PARM1: variants seen among roughly 807,000 people sequenced by gnomAD.
The protein encoded by PARM1 is WSC4, cell wall integrity and stress response component 4 homolog.
Under a neutral mutation model 24.6 loss-of-function variants are expected in PARM1, and 14 were observed. The ratio of observed to expected loss-of-function variants is 0.57; its 90% CI spans 0.38 to 0.89. The LOEUF is 0.89. Among genes scored for constraint, PARM1 ranks in the 40% least tolerant of loss-of-function variants. The pLI is 0.00. For missense variants in PARM1, 362 were observed against 380.4 expected, an observed-to-expected ratio of 0.95 and a Z score of 0.40; for synonymous variants, 179 against 156.6, an observed-to-expected ratio of 1.14 and a Z score of -1.07.
chr4:74,965,062 C>T (rs1014403761), intron 1 of PARM1: 1 of 152,168 alleles, frequency 6.6e-6, no homozygotes, highest in African/African-American at 2.4e-5. Context: ...AAGTAAGCTC[C>T]TCTTCACTCA....
chr4:74,967,470 C>G, intron 1 of PARM1: 2 of 152,204 alleles, frequency 1.3e-5, no homozygotes, highest in Non-Finnish European at 2.9e-5. Context: ...AGAGTTGTGT[C>G]TGCAGAGAGA....
chr4:74,954,375 T>C (rs142950769), intron 1 of PARM1, among the ~76,000 whole-genome samples: 177 of 152,360 alleles, frequency 1.2e-3, no homozygotes, highest in Middle Eastern at 3.4e-3. Flanking sequence ...TCTTAAGCCA[T>C]GTCTATTCTG....
chr4:74,961,081 G>T, intron 1 of PARM1, among the ~76,000 whole-genome samples: 1 of 151,364 alleles, frequency 6.6e-6, no homozygotes, highest in Non-Finnish European at 1.5e-5. Context: ...GAACAAAACA[G>T]AAAGATTAAT....
In PARM1 at chr4:75,012,559, A is replaced by T. The variant is rs765313220; in HGVS notation, c.178A>T (p.Thr60Ser). The change falls in exon 2 of 4, where the codon ACT becomes TCT. Residue 60 changes from threonine to serine, a missense_variant. Physicochemically the swap from Thr to Ser is moderately conservative, Grantham distance 58. Coordinates refer to ENST00000307428, the MANE Select transcript of PARM1 (RefSeq NM_015393.4). ...AGACACTGCCTCCCCATCCAACGGCACTCACAACAACTCGGTGCTCCCAGT... is the reference window on the plus strand; with the variant it reads ...AGACACTGCCTCCCCATCCAACGGCTCTCACAACAACTCGGTGCTCCCAGT... ...DADTASPSNG[T>S]HNNSVLPVTA... The T allele has an allele frequency of 2.2e-5, 36 of 1,613,712 alleles. No homozygotes were observed. The highest frequency in any genetic ancestry group is 2.9e-5 in the Non-Finnish European group (34 of 1,179,870).
In PARM1 at chr4:75,015,574, A is replaced by G. The variant is rs560254565; in HGVS notation, c.769+2424A>G. 1.4e-4 allele frequency among the ~76,000 whole-genome samples: 21 copies of G among 152,266 alleles called. No individual in the cohort carries two copies. The South Asian group carries it at 4.4e-3, about 32-fold the overall frequency. ...ACAAGTATGAGACCTATCCTTTGAG[A>G]TTTTATAGTTTAAGTAGAGAGAAAG... On this transcript the variant is annotated intron_variant, in intron 2 of 3. Coordinates refer to ENST00000307428, the MANE Select transcript of PARM1 (RefSeq NM_015393.4).
At chr4:75,035,851 TA>T (rs554253170) in intron 3 of PARM1, among the ~76,000 whole-genome samples, 2 of 151,988 alleles carry the variant, frequency 1.3e-5, no homozygotes, top group African/African-American at 4.8e-5. Context: ...CCCCCAGATT[TA>T]AAAAAAATAT....
At chr4:74,993,701 A>G (rs761588499) in intron 1 of PARM1, among the ~76,000 whole-genome samples, 29 of 152,286 alleles carry the variant, frequency 1.9e-4, no homozygotes, top group Non-Finnish European at 3.7e-4. Context: ...AGTGAAATGT[A>G]TGACCATTTT....
At chr4:75,026,351 A>G (rs1219282263) in intron 2 of PARM1, among the ~76,000 whole-genome samples, 2 of 152,222 alleles carry the variant, frequency 1.3e-5, no homozygotes, top group Non-Finnish European at 2.9e-5. Flanking sequence ...CTGGTATTAC[A>G]GTGTATTTCA....
At position 75,050,108 on chromosome 4, in the gene PARM1, AG is replaced by A. The variant is rs760721795; in HGVS notation, c.*3862del. On this transcript the variant is annotated 3_prime_UTR_variant, in exon 4 of 4. Coordinates refer to ENST00000307428, the MANE Select transcript of PARM1 (RefSeq NM_015393.4). ...AATTATATCAATTAAAGTTGATAAA[AG>A]CTTCCATCTGTCTGTGGGTGATTCA... The A allele has an allele frequency of 2.6e-5, 4 of 152,590 alleles. No individual in the cohort carries two copies. Among genetic ancestry groups the A allele is most frequent in the Non-Finnish European group, 5.9e-5 (4 of 68,032 alleles). 9.5% of individuals were successfully genotyped at this position (152,590 alleles called of 1,614,324 possible). A position where few individuals can be genotyped will look rare whatever the true frequency, so the allele number is the denominator to read the frequency against.
intron 1 of PARM1, chr4:74,956,346 G>A (rs1721633425): frequency 6.6e-6 from 1 of 152,244 alleles, no homozygotes; most frequent in Non-Finnish European, 1.5e-5. Flanking sequence ...ATGTTGCCAG[G>A]TGAGACCATT....
chr4:75,025,197 A>G (rs964202528), intron 2 of PARM1, among the ~76,000 whole-genome samples: 1 of 152,134 alleles, frequency 6.6e-6, no homozygotes, highest in African/African-American at 2.4e-5. Context: ...CACAGAGATG[A>G]CCTAGGAGTT....
chr4:75,005,358 G>A (rs577739071), intron 1 of PARM1, among the ~76,000 whole-genome samples: 52 of 152,260 alleles, frequency 3.4e-4, no homozygotes, highest in African/African-American at 1.0e-3. Flanking sequence ...CATGGCCAGG[G>A]ACAGAAAAAA....
At chr4:74,942,328 A>C (rs942612170) in intron 1 of PARM1, among the ~76,000 whole-genome samples, 1 of 152,234 alleles carries the variant, frequency 6.6e-6, no homozygotes, top group Admixed American at 6.5e-5. Context: ...AACACTGTCC[A>C]AGGCTCTGGA....
At chr4:74,984,735 G>A (rs1163396852) in intron 1 of PARM1, among the ~76,000 whole-genome samples, 2 of 152,322 alleles carry the variant, frequency 1.3e-5, no homozygotes, top group Non-Finnish European at 2.9e-5. Flanking sequence ...TATCAGAGAA[G>A]ATGCCAGCCT....
chr4:75,016,489 G>C (rs906643449), intron 2 of PARM1, among the ~76,000 whole-genome samples: 1 of 152,100 alleles, frequency 6.6e-6, no homozygotes, highest in Admixed American at 6.5e-5. Flanking sequence ...GAGGTTTGGG[G>C]TACAACTGAT....
chr4:74,935,950 A>C (rs1045408935), intron 1 of PARM1, among the ~76,000 whole-genome samples: 10 of 151,844 alleles, frequency 6.6e-5, no homozygotes, highest in African/African-American at 1.9e-4. Flanking sequence ...TCTCATCTCA[A>C]CCTCCTGAGT....
At chr4:74,965,937 G>A (rs1721892497) in intron 1 of PARM1, among the ~76,000 whole-genome samples, 2 of 152,138 alleles carry the variant, frequency 1.3e-5, no homozygotes, top group Non-Finnish European at 2.9e-5. Context: ...TTAAAAACTG[G>A]TGAAATTCAA....
Position 75,012,708 on chromosome 4 carries a change from C to A in PARM1, c.327C>A (p.Phe109Leu), listed in dbSNP as rs1178974189. 1.2e-6 allele frequency: 2 copies of A among 1,613,882 alleles called. No individual in the cohort carries two copies. The highest frequency in any genetic ancestry group is 1.7e-5 in the Admixed American group (1 of 60,010). Residue 109 changes from phenylalanine to leucine, a missense_variant, in exon 2 of 4, where the codon TTC becomes TTA. By Grantham distance (22) the Phe-to-Leu change is conservative. Coordinates refer to ENST00000307428, the MANE Select transcript of PARM1 (RefSeq NM_015393.4). ...GTNTDPSPSGFSSTSGGVHLT... is the reference protein window; with the variant it reads ...GTNTDPSPSGLSSTSGGVHLT... The stretch of plus-strand genomic sequence containing the variant: ...ACACAGACCCCTCACCTTCTGGGTT[C>A]TCGTCAACAAGCGGTGGAGTCCACT...
chr4:75,006,291 C>G (rs1005744741), intron 1 of PARM1, among the ~76,000 whole-genome samples: 1 of 144,464 alleles, frequency 6.9e-6, no homozygotes, highest in Admixed American at 7.0e-5. Context: ...ATCCGTCCCC[C>G]CTCCCCCCAC....
Sources: gnomAD v4.1 joint callset for allele counts (sites outside exome capture counted in the v4.1 genomes callset) on GRCh38, gnomAD v4.1.1 for gene constraint, MANE v1.5 for transcripts, NCBI Gene and HGNC (gene_info 2026-07-23, HGNC 2026-07-21) for gene names.